KIAA1328: variants seen among roughly 807,000 people sequenced by gnomAD.
The protein encoded by KIAA1328 is KIAA1328, also known as protein hinderin.
KIAA1328 carries 52 observed loss-of-function variants against 68.1 expected under a neutral mutation model. The ratio of observed to expected loss-of-function variants is 0.76; its 90% CI spans 0.61 to 0.96. The LOEUF (loss-of-function observed/expected upper bound fraction) is 0.96, where lower values mean the gene tolerates loss of function less well. Ranked by LOEUF, KIAA1328 falls within the 40% of genes least tolerant of loss-of-function variation. The probability of loss-of-function intolerance (pLI) is 0.00; values close to 1 mark genes in which losing one functional copy is unlikely to be tolerated. For synonymous variants in KIAA1328, 232 were observed against 239.4 expected (o/e 0.97, Z 0.28); for missense variants, 641 against 677.6 (o/e 0.95, Z 0.60).
chr18:37,177,075 G>A (rs979170842), intron 9 of KIAA1328, among the ~76,000 whole-genome samples: 12 of 152,148 alleles, frequency 7.9e-5, no homozygotes, highest in Non-Finnish European at 1.6e-4. Flanking sequence ...TAATCAAAAA[G>A]TATACTTGCA....
chr18:37,109,950 G>A lies in KIAA1328; in HGVS notation c.1232+42405G>A, dbSNP rs572599111. Among the ~76,000 whole-genome samples, 13 of 151,840 alleles carry A rather than the reference G, an allele frequency of 8.6e-5. No individual in the cohort carries two copies. In the South Asian group the frequency reaches 1.7e-3, roughly 19 times the overall value. ...TGCTTATTCTGCTCCAATCTGAAACGGAGCTCTTGTCACACTGTGGACCAG... is the reference window on the plus strand; with the variant it reads ...TGCTTATTCTGCTCCAATCTGAAACAGAGCTCTTGTCACACTGTGGACCAG... On this transcript the variant is annotated intron_variant, in intron 7 of 9. Transcript: ENST00000280020.
At chr18:37,209,910 A>G (rs1477221276) in intron 9 of KIAA1328, among the ~76,000 whole-genome samples, 1 of 152,232 alleles carries the variant, frequency 6.6e-6, no homozygotes, top group Admixed American at 6.5e-5. Context: ...TATAGATGTT[A>G]TTAAATCCCA....
At chr18:37,023,151 C>G (rs2054412054) in intron 6 of KIAA1328, among the ~76,000 whole-genome samples, 1 of 152,220 alleles carries the variant, frequency 6.6e-6, no homozygotes, top group Non-Finnish European at 1.5e-5. Flanking sequence ...CTGCCTTGGC[C>G]TCCCCAAGTG....
chr18:36,837,231 G>C (rs930675800), intron 3 of KIAA1328, among the ~76,000 whole-genome samples: 3 of 152,124 alleles, frequency 2.0e-5, no homozygotes, highest in African/African-American at 7.2e-5. Flanking sequence ...TGAGGATTCA[G>C]ATTTCTCCAC....
At chr18:37,026,752 C>A (rs1476674908) in intron 6 of KIAA1328, among the ~76,000 whole-genome samples, 1 of 152,130 alleles carries the variant, frequency 6.6e-6, no homozygotes, top group Non-Finnish European at 1.5e-5. Context: ...TTATGACAAA[C>A]CCACAGCCAA....
chr18:36,833,849 T>G (rs946737696), intron 1 of KIAA1328, among the ~76,000 whole-genome samples: 1 of 152,252 alleles, frequency 6.6e-6, no homozygotes, highest in Non-Finnish European at 1.5e-5. Flanking sequence ...TCTTTGTGTT[T>G]GCATGATTGA....
chr18:36,961,716 A>G (rs1022955673), intron 6 of KIAA1328, among the ~76,000 whole-genome samples: 14 of 152,276 alleles, frequency 9.2e-5, no homozygotes, highest in Admixed American at 7.2e-4. Context: ...CAGCCAAACT[A>G]AGCTTCATAA....
chr18:36,975,840 G>A (rs1224458038), intron 6 of KIAA1328, among the ~76,000 whole-genome samples: 3 of 152,034 alleles, frequency 2.0e-5, no homozygotes, highest in African/African-American at 7.2e-5. Flanking sequence ...AACTATGAAG[G>A]ATAGAGATAA....
intron 5 of KIAA1328, among the ~76,000 whole-genome samples, chr18:36,898,532 A>G (rs2048935166): frequency 6.6e-6 from 1 of 152,004 alleles, no homozygotes; most frequent in Non-Finnish European, 1.5e-5. Context: ...TTATGAAACT[A>G]TATCAGGATC....
At chr18:36,884,322 C>T (rs911302311) in intron 4 of KIAA1328, among the ~76,000 whole-genome samples, 2 of 151,916 alleles carry the variant, frequency 1.3e-5, no homozygotes, top group African/African-American at 4.8e-5. Context: ...GGGCCTGGGT[C>T]CCATTCATGG....
At chr18:37,071,982 T>C (rs927506261) in intron 7 of KIAA1328, among the ~76,000 whole-genome samples, 2 of 152,184 alleles carry the variant, frequency 1.3e-5, no homozygotes, top group Admixed American at 6.5e-5. Flanking sequence ...GAGTCTCTCA[T>C]TGAGAAACAC....
chr18:36,951,632 T>A (rs756963458), intron 5 of KIAA1328, among the ~76,000 whole-genome samples: 3 of 152,168 alleles, frequency 2.0e-5, no homozygotes, highest in Non-Finnish European at 4.4e-5. Context: ...CTCTTCGCTA[T>A]CTCCACTAAA....
chr18:36,940,321 T>G (rs1226054375), intron 5 of KIAA1328, among the ~76,000 whole-genome samples: 5 of 152,224 alleles, frequency 3.3e-5, no homozygotes, highest in African/African-American at 1.2e-4. Flanking sequence ...GGATTTTGCA[T>G]GTCTTAGAAG....
intron 7 of KIAA1328, among the ~76,000 whole-genome samples, chr18:37,132,701 C>T (rs537677092): frequency 6.6e-6 from 1 of 152,236 alleles, no homozygotes; most frequent in African/African-American, 2.4e-5. Context: ...GAATAGGGCT[C>T]CTTTTCAAAC....
At chr18:36,866,975 A>G (rs1168515901) in intron 4 of KIAA1328, among the ~76,000 whole-genome samples, 1 of 152,250 alleles carries the variant, frequency 6.6e-6, no homozygotes, top group Non-Finnish European at 1.5e-5. Context: ...CAACACTGTC[A>G]TATGACAAGC....
At chr18:37,007,101 A>G (rs368966295) in intron 6 of KIAA1328, among the ~76,000 whole-genome samples, 164 of 152,256 alleles carry the variant, frequency 1.1e-3, no homozygotes, top group African/African-American at 3.3e-3. Flanking sequence ...TCCTTTTTCA[A>G]TTCTAAATAT....
intron 5 of KIAA1328, among the ~76,000 whole-genome samples, chr18:36,918,805 G>A (rs1392998102): frequency 6.6e-6 from 1 of 152,086 alleles, no homozygotes; most frequent in Non-Finnish European, 1.5e-5. Flanking sequence ...TACTATATTT[G>A]CATTATCATT....
At chr18:37,075,261 C>A (rs1358344627) in intron 7 of KIAA1328, 8 of 151,968 alleles carry the variant, frequency 5.3e-5, no homozygotes, top group Non-Finnish European at 7.4e-5. Flanking sequence ...GAAATAAAAT[C>A]CTTTACAGAC....
intron 9 of KIAA1328, among the ~76,000 whole-genome samples, chr18:37,219,259 G>A (rs1034459846): frequency 5.9e-5 from 9 of 152,210 alleles, no homozygotes; most frequent in African/African-American, 2.2e-4. Flanking sequence ...CCTACTGGGA[G>A]GTGTCTCCCA....
Sources: allele counts gnomAD v4.1 joint callset (sites outside exome capture counted in the v4.1 genomes callset), GRCh38; gene constraint gnomAD v4.1.1; transcripts MANE v1.5; gene names NCBI Gene and HGNC (gene_info 2026-07-23, HGNC 2026-07-21).